ZNF578: variants seen among roughly 807,000 people sequenced by gnomAD.
ZNF578 encodes zinc finger protein 578.
ZNF578 carries 8 observed loss-of-function variants against 8.3 expected under a neutral mutation model. The observed-to-expected ratio is 0.96, with a 90% confidence interval of 0.56 to 1.74. The LOEUF (loss-of-function observed/expected upper bound fraction) is 1.74, where lower values mean the gene tolerates loss of function less well. Among genes scored for constraint, ZNF578 ranks in the 40% most tolerant of loss-of-function variants. ZNF578 has a pLI of 0.00. For synonymous variants in ZNF578, 206 were observed against 232.2 expected (o/e 0.89, Z 1.03); for missense variants, 726 against 707.5 (o/e 1.03, Z -0.30).
chr19:52,459,316 CT>C (rs1317480059), intron 2 of ZNF578, among the ~76,000 whole-genome samples: 2 of 152,246 alleles, frequency 1.3e-5, no homozygotes, highest in East Asian at 3.9e-4. Context: ...CATTTGACTA[CT>C]TTAGTATCCC....
At chr19:52,477,295 T>G (rs960556171) in intron 2 of ZNF578, among the ~76,000 whole-genome samples, 3 of 152,176 alleles carry the variant, frequency 2.0e-5, no homozygotes, top group Admixed American at 1.3e-4. Flanking sequence ...GAATCAATGT[T>G]TCTTCTGGGA....
At chr19:52,494,671 C>A (rs2059379386) in intron 3 of ZNF578, among the ~76,000 whole-genome samples, 1 of 152,080 alleles carries the variant, frequency 6.6e-6, no homozygotes, top group South Asian at 2.1e-4. Flanking sequence ...TTCTATAAAT[C>A]TTGGTATCAG....
chr19:52,494,859 T>C (rs1207459689), intron 3 of ZNF578, among the ~76,000 whole-genome samples: 1 of 152,172 alleles, frequency 6.6e-6, no homozygotes, highest in Non-Finnish European at 1.5e-5. Flanking sequence ...TGAGACAGGG[T>C]CTGGCCCTAT....
chr19:52,509,209 C>G (rs1243857824), intron 5 of ZNF578, among the ~76,000 whole-genome samples: 2 of 151,976 alleles, frequency 1.3e-5, no homozygotes, highest in Non-Finnish European at 2.9e-5. Context: ...AGCCGTTAGT[C>G]AGTTCTTATT....
intron 5 of ZNF578, among the ~76,000 whole-genome samples, chr19:52,507,546 A>C (rs1479630704): frequency 1.3e-5 from 2 of 151,806 alleles, no homozygotes; most frequent in Non-Finnish European, 1.5e-5. Flanking sequence ...AAAAACAGAC[A>C]AAAAAAGAAA....
At chr19:52,476,017 T>C (rs960219647) in intron 2 of ZNF578, among the ~76,000 whole-genome samples, 3 of 152,068 alleles carry the variant, frequency 2.0e-5, no homozygotes, top group Non-Finnish European at 4.4e-5. Flanking sequence ...GGTAAAACTT[T>C]CCATTGATAG....
chr19:52,459,648 C>T (rs8105907), intron 2 of ZNF578, among the ~76,000 whole-genome samples: 89,373 of 131,172 alleles, frequency 0.68, 32,142 homozygotes, highest in Non-Finnish European at 0.8. Context: ...CACACACACA[C>T]ACATATATAT....
intron 2 of ZNF578, among the ~76,000 whole-genome samples, chr19:52,459,764 TATA>T (rs2059251427): frequency 3.4e-5 from 1 of 29,694 alleles, no homozygotes; most frequent in East Asian, 9.1e-4. Context: ...TATATATATA[TATA>T]TATTTTTTTT....
intron 2 of ZNF578, among the ~76,000 whole-genome samples, chr19:52,459,843 T>TGGCTCACTGCAACCTC (rs2059252337): frequency 7.3e-6 from 1 of 136,432 alleles, no homozygotes; most frequent in Admixed American, 7.7e-5. Context: ...GGTGCGATCT[T>TGGCTCACTGCAACCTC]GGCTCACTGC....
intron 3 of ZNF578, among the ~76,000 whole-genome samples, chr19:52,494,455 C>T (rs187195891): frequency 2.8e-4 from 43 of 152,284 alleles, no homozygotes; most frequent in Non-Finnish European, 7.4e-5. Flanking sequence ...AGAGATCATG[C>T]CACTGTACTC....
At chr19:52,481,949 T>A (rs1025225828) in intron 2 of ZNF578, among the ~76,000 whole-genome samples, 3 of 152,078 alleles carry the variant, frequency 2.0e-5, no homozygotes, top group African/African-American at 4.8e-5. Flanking sequence ...CCCAGGCTGG[T>A]CTCAAAATCC....
At position 52,514,962 on chromosome 19, in the gene ZNF578, C is replaced by CTTTTTT. The variant is rs35788845; in HGVS notation, c.*2821_*2826dup. Among the ~76,000 whole-genome samples the CTTTTTT allele has an allele frequency of 8.0e-3, 978 of 122,876 alleles. 20 individuals carry two copies. The highest frequency in any genetic ancestry group is 0.026 in the African/African-American group (845 of 32,210). 80.6% of individuals were successfully genotyped at this position (122,876 alleles called of 152,430 possible). ...AGGCATGAGCTACCACGTCGAGACT[C>CTTTTTT]TTTTTTTTTTTTTTTTTTAGATGGA... On this transcript the variant is annotated 3_prime_UTR_variant, in exon 6 of 6. Transcript: ENST00000421239.
At chr19:52,460,007 C>T (rs1599880268) in intron 2 of ZNF578, among the ~76,000 whole-genome samples, 1 of 150,330 alleles carries the variant, frequency 6.7e-6, no homozygotes, top group East Asian at 2.0e-4. Context: ...CCTCGTGATC[C>T]ACCCACCTCA....
Position 52,512,369 on chromosome 19 carries a change from T to A in ZNF578, c.*215T>A, listed in dbSNP as rs1265530495. 4.0e-6 allele frequency: 6 copies of A among 1,504,868 alleles called. No homozygotes were observed. Among genetic ancestry groups the A allele is most frequent in the Non-Finnish European group, 5.5e-6 (6 of 1,082,154 alleles). 93.2% of individuals were successfully genotyped at this position (1,504,868 alleles called of 1,614,324 possible). On this transcript the variant is annotated 3_prime_UTR_variant, in exon 6 of 6. Coordinates refer to ENST00000421239, the MANE Select transcript of ZNF578 (RefSeq NM_001099694.2). ...TAATGTAATGATTGTCACAAAGTCT[T>A]CAGTAACGCTACAACGATTGCAAAT...
At chr19:52,509,596 G>T (rs1200536223) in intron 5 of ZNF578, among the ~76,000 whole-genome samples, 1 of 152,052 alleles carries the variant, frequency 6.6e-6, no homozygotes, top group Non-Finnish European at 1.5e-5. Flanking sequence ...GTGAAACCCG[G>T]TCTCTACCAA....
Position 52,493,627 on chromosome 19 carries a change from A to G in ZNF578, c.-20+2202A>G, listed in dbSNP as rs149577945. Among the ~76,000 whole-genome samples the G allele has an allele frequency of 2.4e-3, 369 of 152,082 alleles. 3 individuals are homozygous for G. The East Asian group carries it at 0.036, about 15-fold the overall frequency. The stretch of plus-strand genomic sequence containing the variant: ...GAATTTAACAGGGAGAGCAGAGGAG[A>G]CGCAGAGATAAGAGGCGGTAATATA... On this transcript the variant is annotated intron_variant, in intron 3 of 5. Coordinates refer to ENST00000421239, the MANE Select transcript of ZNF578 (RefSeq NM_001099694.2).
intron 3 of ZNF578, among the ~76,000 whole-genome samples, chr19:52,491,805 AAAG>A (rs1210139814): frequency 2.6e-5 from 4 of 152,164 alleles, no homozygotes; most frequent in African/African-American, 9.7e-5. Context: ...TCCACATGGA[AAAG>A]AATAATGTTG....
chr19:52,453,890 A>G (rs1218297299), intron 1 of ZNF578: 1 of 152,020 alleles, frequency 6.6e-6, no homozygotes, highest in Non-Finnish European at 1.5e-5. Context: ...GCCCTCACCC[A>G]TGAGGTGTAT....
rs111617166 is a variant in ZNF578 at position 52,515,913 on chromosome 19, A to G, written c.*3759A>G. 0.032 allele frequency among the ~76,000 whole-genome samples: 4,898 copies of G among 151,986 alleles called. 230 individuals carry two copies. Among genetic ancestry groups the G allele is most frequent in the African/African-American group, 0.11 (4,430 of 41,390 alleles). On this transcript the variant is annotated 3_prime_UTR_variant, in exon 6 of 6. Coordinates refer to ENST00000421239, the MANE Select transcript of ZNF578 (RefSeq NM_001099694.2). ...GCAAAATCTAAAGCAGGTCACGTCA[A>G]TCCCTGGCAGGGAACCCTCCACCGG...
Sources: allele counts gnomAD v4.1 joint callset (sites outside exome capture counted in the v4.1 genomes callset), GRCh38; gene constraint gnomAD v4.1.1; transcripts MANE v1.5; gene names NCBI Gene and HGNC (gene_info 2026-07-23, HGNC 2026-07-21).